The following IMMP2L variants were observed in gnomAD, a reference collection of about 807,000 sequenced individuals.
IMMP2L encodes inner mitochondrial membrane peptidase subunit 2.
In IMMP2L, 18 loss-of-function variants were observed where a neutral mutation model predicts 19.3. The observed-to-expected ratio is 0.93, with a 90% CI of 0.64 to 1.38. IMMP2L has a LOEUF of 1.38. Ranked by LOEUF, IMMP2L falls within the 40% of genes most tolerant of loss-of-function variation. The pLI is 0.00. For synonymous variants in IMMP2L, 76 were observed against 73.0 expected (o/e 1.04, Z -0.21); for missense variants, 233 against 218.2 (o/e 1.07, Z -0.43).
intron 5 of IMMP2L, among the ~76,000 whole-genome samples, chr7:110,759,851 T>C (rs910650476): frequency 6.6e-6 from 1 of 152,136 alleles, no homozygotes; most frequent in Non-Finnish European, 1.5e-5. Context: ...ATTTTCAGAA[T>C]TGAACTTCCT....
chr7:111,522,010 G>A (rs1162046714), intron 1 of IMMP2L, among the ~76,000 whole-genome samples: 2 of 152,054 alleles, frequency 1.3e-5, no homozygotes, highest in Non-Finnish European at 2.9e-5. Context: ...TTGGTGGTAG[G>A]AGCAGGGGTG....
intron 3 of IMMP2L, among the ~76,000 whole-genome samples, chr7:111,445,059 T>C (rs1437587455): frequency 2.0e-5 from 3 of 152,088 alleles, no homozygotes; most frequent in African/African-American, 7.2e-5. Context: ...AGGAAATCAA[T>C]TGCTAGATCT....
chr7:111,054,677 G>A (rs1379875836), intron 3 of IMMP2L, among the ~76,000 whole-genome samples: 3 of 152,136 alleles, frequency 2.0e-5, no homozygotes, highest in African/African-American at 7.2e-5. Context: ...TATGGTCAGA[G>A]GAACATCAAA....
At chr7:110,764,377 T>C (rs1367977001) in intron 5 of IMMP2L, among the ~76,000 whole-genome samples, 1 of 152,140 alleles carries the variant, frequency 6.6e-6, no homozygotes, top group Non-Finnish European at 1.5e-5. Context: ...TAAATTCATT[T>C]AATCATAAAG....
At chr7:111,529,360 C>A (rs1847179784) in intron 1 of IMMP2L, among the ~76,000 whole-genome samples, 1 of 152,148 alleles carries the variant, frequency 6.6e-6, no homozygotes, top group Admixed American at 6.5e-5. Context: ...CCACTGGAAG[C>A]AGATCCTGGC....
intron 5 of IMMP2L, among the ~76,000 whole-genome samples, chr7:110,804,443 T>C (rs2131232254): frequency 6.6e-6 from 1 of 152,122 alleles, no homozygotes; most frequent in East Asian, 1.9e-4. Flanking sequence ...GATTCACCTA[T>C]CACTTGTGGG....
At chr7:110,883,017 G>A (rs369555280) in intron 5 of IMMP2L, among the ~76,000 whole-genome samples, 15 of 152,060 alleles carry the variant, frequency 9.9e-5, no homozygotes, top group East Asian at 7.7e-4. Context: ...GAAAAGCTTC[G>A]CATGATTTAA....
At chr7:110,889,969 C>T (rs1161091700) in intron 4 of IMMP2L, among the ~76,000 whole-genome samples, 8 of 152,102 alleles carry the variant, frequency 5.3e-5, no homozygotes, top group Admixed American at 5.2e-4. Flanking sequence ...GATGTATAGT[C>T]AGAACCCAAT....
intron 4 of IMMP2L, among the ~76,000 whole-genome samples, chr7:110,948,504 C>T (rs1383149503): frequency 2.6e-5 from 4 of 152,030 alleles, no homozygotes; most frequent in African/African-American, 7.2e-5. Flanking sequence ...TTGGGCTGGG[C>T]TTATAAAAGA....
At chr7:110,913,060 T>C (rs1813228922) in intron 4 of IMMP2L, among the ~76,000 whole-genome samples, 1 of 151,974 alleles carries the variant, frequency 6.6e-6, no homozygotes, top group South Asian at 2.1e-4. Context: ...CTTTGGAGGT[T>C]GTAGTTTCCA....
chr7:110,813,434 T>C (rs1036823145), intron 5 of IMMP2L, among the ~76,000 whole-genome samples: 22 of 112,186 alleles, frequency 2.0e-4, no homozygotes, highest in Non-Finnish European at 3.9e-4. Context: ...ATTTCTTTCT[T>C]TTTTTTTTTT....
At chr7:111,202,151 C>T (rs536377416) in intron 3 of IMMP2L, among the ~76,000 whole-genome samples, 31 of 152,266 alleles carry the variant, frequency 2.0e-4, no homozygotes, top group South Asian at 1.2e-3. Context: ...GTAATTGTCA[C>T]TTGAGAGACA....
chr7:110,880,899 T>C (rs770513616), intron 5 of IMMP2L, among the ~76,000 whole-genome samples: 1 of 152,048 alleles, frequency 6.6e-6, no homozygotes, highest in Non-Finnish European at 1.5e-5. Context: ...TATCTAAAAA[T>C]GAAATCATGT....
intron 4 of IMMP2L, among the ~76,000 whole-genome samples, chr7:110,946,790 G>A (rs1026372923): frequency 2.3e-5 from 3 of 131,968 alleles, no homozygotes; most frequent in Non-Finnish European, 3.1e-5. Flanking sequence ...GCGCAATCTC[G>A]ACTCACTGCA....
intron 3 of IMMP2L, among the ~76,000 whole-genome samples, chr7:111,092,929 AT>A (rs1563233494): frequency 1.3e-5 from 2 of 152,078 alleles, no homozygotes. Context: ...ACTGTGGGTT[AT>A]TTTTTTCCAC....
intron 3 of IMMP2L, among the ~76,000 whole-genome samples, chr7:111,130,655 C>A (rs1187035092): frequency 1.3e-5 from 2 of 152,028 alleles, no homozygotes; most frequent in Non-Finnish European, 2.9e-5. Context: ...AATAAAATAA[C>A]CTCCCTGTCA....
Position 110,873,778 on chromosome 7 carries a change from G to GA in IMMP2L, c.408+12814dup, listed in dbSNP as rs572557458. Reference sequence around the variant, plus strand: ...CAACAAGAGTGAAACTCTGTCTCAGGAAAAAAAAAAAAAAAAGAAAGCAAC... The same window carrying GA: ...CAACAAGAGTGAAACTCTGTCTCAGGAAAAAAAAAAAAAAAAAGAAAGCAAC... On this transcript the variant is annotated intron_variant, in intron 5 of 5. Transcript: ENST00000405709. Among the ~76,000 whole-genome samples the GA allele has an allele frequency of 5.3e-3, 625 of 118,650 alleles. 2 individuals carry two copies. Among genetic ancestry groups the GA allele is most frequent in the Middle Eastern group, 0.01 (2 of 198 alleles). The allele number at this position is 118,650 out of a possible 152,430, so 77.8% of individuals were successfully genotyped here.
intron 3 of IMMP2L, among the ~76,000 whole-genome samples, chr7:111,014,399 A>G (rs1825287201): frequency 6.6e-6 from 1 of 152,074 alleles, no homozygotes; most frequent in South Asian, 2.1e-4. Context: ...ACACACACAC[A>G]TACACACACA....
chr7:110,873,688 C>A (rs12705741), intron 5 of IMMP2L, among the ~76,000 whole-genome samples: 59,944 of 150,388 alleles, frequency 0.4, 12,971 homozygotes, highest in East Asian at 0.68. Context: ...GAAGGAGAAT[C>A]CCTTGAACCC....
Sources: allele counts gnomAD v4.1 joint callset (sites outside exome capture counted in the v4.1 genomes callset), GRCh38; gene constraint gnomAD v4.1.1; transcripts MANE v1.5; gene names NCBI Gene and HGNC (gene_info 2026-07-23, HGNC 2026-07-21).